Variants in ASTN1 observed in about 807,000 individuals in gnomAD.
ASTN1 encodes astrotactin-1.
Under a neutral mutation model 140.7 loss-of-function variants are expected in ASTN1, and 41 were observed. That is an observed-to-expected ratio of 0.29 (90% CI 0.23 to 0.38). The LOEUF is 0.38. ASTN1 is among the 10% of genes least tolerant of loss of function. ASTN1 has a pLI of 1.00. For synonymous variants in ASTN1, 640 were observed against 652.2 expected, an observed-to-expected ratio of 0.98 and a Z score of 0.29; for missense variants, 1,479 against 1,678.8, an observed-to-expected ratio of 0.88 and a Z score of 2.08.
At position 176,934,283 on chromosome 1, in the gene ASTN1, G is replaced by A. The variant is rs745514951; in HGVS notation, c.2540C>T (p.Ala847Val). Residue 847 changes from alanine (A) to valine (V), a missense_variant, in exon 16 of 23, where the codon GCG (alanine) becomes GTG (valine). By Grantham distance (64) the Ala-to-Val change is moderately conservative. Coordinates refer to ENST00000361833, the MANE Select transcript of ASTN1 (RefSeq NM_004319.3). ...DGATSRADFV[A>V]LLDQFGNHYI... is the part of the protein sequence containing the mutation. ...ATGGTTGCCGAACTGGTCCAACAGC[G>A]CCACAAAATCTGCACGAGATGTAGC... The A allele has an allele frequency of 8.7e-6, 14 of 1,613,766 alleles. No homozygotes were observed. The highest frequency in any genetic ancestry group is 1.6e-4 in the Middle Eastern group (1 of 6,084).
chr1:176,885,057 G>C (rs1668977270), intron 18 of ASTN1, among the ~76,000 whole-genome samples: 1 of 152,164 alleles, frequency 6.6e-6, no homozygotes, highest in South Asian at 2.1e-4. Flanking sequence ...GCTGGACCTT[G>C]GAACAGGTTC....
At chr1:177,099,039 T>C (rs1680179729) in intron 1 of ASTN1, among the ~76,000 whole-genome samples, 1 of 152,216 alleles carries the variant, frequency 6.6e-6, no homozygotes, top group Non-Finnish European at 1.5e-5. Context: ...TGTCCTTTCA[T>C]AAAGACCATT....
At chr1:177,074,929 T>C (rs1678814899) in intron 1 of ASTN1, among the ~76,000 whole-genome samples, 1 of 152,232 alleles carries the variant, frequency 6.6e-6, no homozygotes, top group African/African-American at 2.4e-5. Flanking sequence ...AGTAATAAAA[T>C]AATTTGGTAG....
At position 177,115,716 on chromosome 1, in the gene ASTN1, A is replaced by G. The variant is rs181649982; in HGVS notation, c.283+48678T>C. ...TAAATAAATGTCATGAAAATAATGT[A>G]TGCTCATTGTTTAAAACTTGGCAAG... On this transcript the variant is annotated intron_variant, in intron 1 of 22. Coordinates refer to ENST00000361833, the MANE Select transcript of ASTN1 (RefSeq NM_004319.3). Among the ~76,000 whole-genome samples, 23 of 152,068 alleles carry G rather than the reference A, an allele frequency of 1.5e-4. No individual in the cohort carries two copies. In the East Asian group the frequency reaches 3.9e-3, roughly 26 times the overall value.
intron 16 of ASTN1, among the ~76,000 whole-genome samples, chr1:176,930,272 G>C (rs1017865895): frequency 6.6e-6 from 1 of 152,200 alleles, no homozygotes; most frequent in Admixed American, 6.5e-5. Context: ...ATCTACCACA[G>C]TGTAGTACTT....
intron 18 of ASTN1, 111 bp downstream of exon 18, chr1:176,887,960 A>AT (rs1309784330): frequency 1.7e-5 from 25 of 1,440,430 alleles, no homozygotes; most frequent in Admixed American, 1.2e-4. Context: ...AAAGGCAGGT[A>AT]TTGTGTCATA....
chr1:176,865,057 A>C (rs1219758064), intron 22 of ASTN1, among the ~76,000 whole-genome samples: 2 of 152,222 alleles, frequency 1.3e-5, no homozygotes, highest in Non-Finnish European at 2.9e-5. Context: ...TCATGTTGAC[A>C]CAGGATTAGC....
chr1:177,006,661 AT>A (rs1046515881), intron 8 of ASTN1, among the ~76,000 whole-genome samples: 3 of 151,914 alleles, frequency 2.0e-5, no homozygotes, highest in African/African-American at 7.3e-5. Context: ...ATTGAGGTTG[AT>A]TTTTTTTCAC....
At chr1:176,886,372 T>C (rs962153753) in intron 18 of ASTN1, among the ~76,000 whole-genome samples, 3 of 152,244 alleles carry the variant, frequency 2.0e-5, no homozygotes, top group African/African-American at 7.2e-5. Context: ...GTCCACCTGA[T>C]AACATTTGGT....
intron 11 of ASTN1, among the ~76,000 whole-genome samples, chr1:176,951,297 C>T (rs987592766): frequency 1.3e-5 from 2 of 152,246 alleles, no homozygotes; most frequent in African/African-American, 4.8e-5. Flanking sequence ...CTTGGCCACC[C>T]AGCTGTTAGG....
intron 1 of ASTN1, among the ~76,000 whole-genome samples, chr1:177,155,541 T>A (rs1030576643): frequency 9.2e-5 from 14 of 152,190 alleles, no homozygotes; most frequent in African/African-American, 3.4e-4. Flanking sequence ...ACAGAAAAAC[T>A]GCCCTACAAC....
chr1:177,115,424 C>A lies in ASTN1; in HGVS notation c.283+48970G>T, dbSNP rs192556834. On this transcript the variant is annotated intron_variant, in intron 1 of 22. Coordinates refer to ENST00000361833, the MANE Select transcript of ASTN1 (RefSeq NM_004319.3). Reference sequence around the variant, plus strand: ...CGATGGCTCACACCTATAATCCCAGCACTTTGGGAGGCCAAGGCAGGTGGA... The same window carrying A: ...CGATGGCTCACACCTATAATCCCAGAACTTTGGGAGGCCAAGGCAGGTGGA... 5.9e-5 allele frequency among the ~76,000 whole-genome samples: 9 copies of A among 152,204 alleles called. No homozygotes were observed. In the East Asian group the frequency reaches 1.5e-3, roughly 26 times the overall value.
chr1:176,957,850 A>G, intron 10 of ASTN1, 22 bp from the exon 11 acceptor site: 1 of 1,610,958 alleles, frequency 6.2e-7, no homozygotes, highest in Non-Finnish European at 8.5e-7. Flanking sequence ...AAGAGTGGGA[A>G]GCAGGGAGGA....
intron 16 of ASTN1, among the ~76,000 whole-genome samples, chr1:176,900,783 T>C (rs893078595): frequency 2.0e-5 from 3 of 152,208 alleles, no homozygotes; most frequent in Non-Finnish European, 4.4e-5. Flanking sequence ...CTGGGATATA[T>C]TGAGTGCTTT....
At position 176,946,021 on chromosome 1, in the gene ASTN1, A is replaced by G; in HGVS notation, c.2154T>C (p.Leu718=). The G allele has an allele frequency of 6.2e-7, 1 of 1,614,104 alleles. No individual in the cohort carries two copies. Among genetic ancestry groups the G allele is most frequent in the Non-Finnish European group, 8.5e-7 (1 of 1,179,972 alleles). The part of the protein sequence containing the change: ...EGSDCGESRE[L]PMNQTLFGEM... Reference sequence around the variant, plus strand: ...CCCCAAAGAGGGTCTGGTTCATGGGAAGCTCCCTGCTTTCCCCACAGTCAC... The same window carrying G: ...CCCCAAAGAGGGTCTGGTTCATGGGGAGCTCCCTGCTTTCCCCACAGTCAC... The change falls in exon 13 of 23, where the codon CTT becomes CTC. Residue 718 remains leucine, a synonymous_variant. Transcript: ENST00000361833.
intron 14 of ASTN1, among the ~76,000 whole-genome samples, chr1:176,939,370 T>C (rs1671590726): frequency 6.6e-6 from 1 of 152,156 alleles, no homozygotes; most frequent in South Asian, 2.1e-4. Context: ...CAGTGTTCCA[T>C]ATCCATCCAG....
chr1:177,004,576 A>G (rs1451841570), intron 8 of ASTN1, among the ~76,000 whole-genome samples: 2 of 152,218 alleles, frequency 1.3e-5, no homozygotes, highest in East Asian at 3.8e-4. Context: ...CTGATCTCAA[A>G]TTATACAAGA....
chr1:176,924,705 T>C (rs184131729), intron 16 of ASTN1, among the ~76,000 whole-genome samples: 1 of 152,326 alleles, frequency 6.6e-6, no homozygotes, highest in East Asian at 1.9e-4. Context: ...AAAGTTTACA[T>C]ATCTGGAGTA....
chr1:176,861,875 G>A lies in ASTN1; in HGVS notation c.*2409C>T. On this transcript the variant is annotated 3_prime_UTR_variant, in exon 23 of 23. Transcript: ENST00000361833. The stretch of plus-strand genomic sequence containing the variant: ...AAGATAGGAGAGAGGAAGATAGTGT[G>A]CCTAAAATAAAAACAGAAGGAGAGG... 1 of 985,256 alleles carries A rather than the reference G, an allele frequency of 1.0e-6. No individual in the cohort carries two copies. The highest frequency in any genetic ancestry group is 1.2e-6 in the Non-Finnish European group (1 of 829,870). The allele number at this position is 985,256 out of a possible 1,614,324, so 61.0% of individuals were successfully genotyped here.
Sources: gnomAD v4.1 joint callset for allele counts (sites outside exome capture counted in the v4.1 genomes callset) on GRCh38, gnomAD v4.1.1 for gene constraint, MANE v1.5 for transcripts, NCBI Gene and HGNC (gene_info 2026-07-23, HGNC 2026-07-21) for gene names.